PERM1: variants seen among roughly 807,000 people sequenced by gnomAD.
PERM1 encodes PGC-1 and ERR-induced regulator in muscle protein 1.
Under a neutral mutation model 44.1 loss-of-function variants are expected in PERM1, and 45 were observed. The observed-to-expected ratio is 1.02, with a 90% CI of 0.80 to 1.31. The LOEUF (loss-of-function observed/expected upper bound fraction) is 1.31, where lower values mean the gene tolerates loss of function less well. PERM1 is among the 50% of genes most tolerant of loss of function. The pLI is 0.00. For synonymous variants in PERM1, 565 were observed against 477.1 expected, an observed-to-expected ratio of 1.18 and a Z score of -2.40; for missense variants, 1,189 against 1,106.9, an observed-to-expected ratio of 1.07 and a Z score of -1.05.
chr1:982,036 T>C, upstream of PERM1: 1 of 1,287,696 alleles, frequency 7.8e-7, no homozygotes, highest in Non-Finnish European at 1.0e-6. Flanking sequence ...GCCCCTTGGG[T>C]CAGGAGCCAG....
exon 1 of PERM1, chr1:980,432 C>G: frequency 6.5e-7 from 1 of 1,547,336 alleles, no homozygotes. Context: ...TGGGCAGAAG[C>G]AGAGGCTCCT....
At chr1:980,074 G>A (rs1439920304) in exon 1 of PERM1, 1 of 1,549,804 alleles carries the variant, frequency 6.5e-7, no homozygotes, top group Non-Finnish European at 8.7e-7. Flanking sequence ...CGGCTCGGAG[G>A]CAGGTGTAGA....
At chr1:979,424 C>G (rs1049390738) in exon 1 of PERM1, 9 of 1,528,472 alleles carry the variant, frequency 5.9e-6, no homozygotes, top group Non-Finnish European at 7.9e-6. Flanking sequence ...CCGGGCCCCC[C>G]GTGGGCCCCA....
chr1:981,689 T>A (rs1643795621), upstream of PERM1, among the ~76,000 whole-genome samples: 1 of 152,232 alleles, frequency 6.6e-6, no homozygotes. Flanking sequence ...ACGGAGAGCC[T>A]GGGCAGGAGG....
At chr1:976,072 G>A (rs1292669853) in exon 3 of PERM1, 2 of 1,196,106 alleles carry the variant, frequency 1.7e-6, no homozygotes, top group East Asian at 2.6e-5. Context: ...CGCGGTAGAA[G>A]AGAGGGGTCA....
chr1:981,117 C>T (rs1275373741), upstream of PERM1: 6 of 1,548,986 alleles, frequency 3.9e-6, no homozygotes, highest in Non-Finnish European at 5.2e-6. Context: ...CCTGCACATG[C>T]CGCCCCTGCC....
exon 1 of PERM1, chr1:979,287 C>T (rs116189919): frequency 2.6e-5 from 41 of 1,547,992 alleles, no homozygotes; most frequent in East Asian, 4.9e-5. Context: ...CGTAGGCCTC[C>T]GGGAGGGTCA....
At chr1:979,020 A>C (rs1643704129) in exon 1 of PERM1, 1 of 1,536,492 alleles carries the variant, frequency 6.5e-7, no homozygotes, top group Non-Finnish European at 8.8e-7. Context: ...GCACGCCCTC[A>C]AGCCTGTCCT....
Position 976,038 on chromosome 1 carries a change from A to C in PERM1, c.*134T>G, listed in dbSNP as rs113068688. The C allele has an allele frequency of 2.9e-3, 2,523 of 869,048 alleles. 49 individuals carry two copies. In the African/African-American group the frequency reaches 0.039, roughly 13 times the overall value. 53.8% of individuals were successfully genotyped at this position (869,048 alleles called of 1,614,324 possible). The stretch of plus-strand genomic sequence containing the variant: ...CCTCAGGTGAGTCGGAGGGAGCAGC[A>C]CCAGGACACGCCCCCCTCCTGGACG... On this transcript the variant is annotated 3_prime_UTR_variant, in exon 3 of 3. Transcript: ENST00000433179.
At chr1:976,109 G>T in exon 3 of PERM1, 1 of 1,496,422 alleles carries the variant, frequency 6.7e-7, no homozygotes, top group Non-Finnish European at 9.0e-7. Context: ...GCGGCACCTC[G>T]TCCTGCCCTG....
At chr1:981,646 A>G (rs2100508688), upstream of PERM1, among the ~76,000 whole-genome samples, 1 of 152,342 alleles carries the variant, frequency 6.6e-6, no homozygotes, top group Non-Finnish European at 1.5e-5. Flanking sequence ...TGAGCTCACC[A>G]GGTGGTGCTG....
upstream of PERM1, chr1:981,886 C>A (rs1643799188): frequency 4.2e-6 from 1 of 238,834 alleles, no homozygotes; most frequent in Admixed American, 6.5e-5. Context: ...AGGTCAGCCC[C>A]TCTGGACCCA....
intron 1 of PERM1, 83 bp downstream of exon 2, chr1:978,798 C>T (rs1369525388): frequency 5.4e-6 from 7 of 1,305,930 alleles, no homozygotes. Flanking sequence ...CCTGCCCGGC[C>T]CCTGCGGCCC....
At chr1:976,665 G>A in intron 1 of PERM1, 41 bp from the exon 3 acceptor site, 2 of 1,546,842 alleles carry the variant, frequency 1.3e-6, no homozygotes, top group South Asian at 1.2e-5. Flanking sequence ...GCTGCACTCA[G>A]AGATGGCCCC....
At chr1:975,861 C>G (rs1643581894) in exon 3 of PERM1, 2 of 365,378 alleles carry the variant, frequency 5.5e-6, no homozygotes, top group South Asian at 1.0e-4. Flanking sequence ...ATGACCTCCC[C>G]ACTATTGCCT....
exon 3 of PERM1, chr1:976,236 A>T: frequency 6.5e-7 from 1 of 1,536,196 alleles, no homozygotes; most frequent in Non-Finnish European, 8.8e-7. Flanking sequence ...GAAGTAGCGG[A>T]TGGCAGAGAT....
chr1:976,173 T>C (rs765617503), exon 3 of PERM1: 6 of 1,546,364 alleles, frequency 3.9e-6, no homozygotes, highest in Non-Finnish European at 4.4e-6. Flanking sequence ...GCCTGGCTCC[T>C]AGGAGCTGGG....
At chr1:981,072 G>A, upstream of PERM1, 13 of 1,546,664 alleles carry the variant, frequency 8.4e-6, no homozygotes, top group East Asian at 2.4e-5. Context: ...AATGGGTCCG[G>A]TGGGGTCTTC....
chr1:978,763 C>A, intron 1 of PERM1, 118 bp downstream of exon 2: 1 of 976,508 alleles, frequency 1.0e-6, no homozygotes, highest in Non-Finnish European at 1.4e-6. Flanking sequence ...CCAGGCTCCC[C>A]TGCTAGGGGA....
Sources: gnomAD v4.1 joint callset for allele counts (sites outside exome capture counted in the v4.1 genomes callset) on GRCh38, gnomAD v4.1.1 for gene constraint, MANE v1.5 for transcripts, NCBI Gene and HGNC (gene_info 2026-07-23, HGNC 2026-07-21) for gene names.